Variants in MUC5AC observed in about 807,000 individuals in gnomAD.
MUC5AC encodes mucin 5AC, oligomeric mucus/gel-forming, also known as mucin-5AC.
MUC5AC carries 158 observed loss-of-function variants against 169.7 expected under a neutral mutation model. That is an observed-to-expected ratio of 0.93 (90% confidence interval 0.82 to 1.06). The LOEUF is 1.06. MUC5AC is among the 50% of genes least tolerant of loss of function. MUC5AC has a pLI of 0.00. For synonymous variants in MUC5AC, 1,975 were observed against 1,237.0 expected, an observed-to-expected ratio of 1.60 and a Z score of -12.52; for missense variants, 4,359 against 3,089.9, an observed-to-expected ratio of 1.41 and a Z score of -9.74.
chr11:1,163,826 C>A, intron 6 of MUC5AC, 56 bp from the exon 7 acceptor site: 2 of 1,411,794 alleles, frequency 1.4e-6, no homozygotes, highest in Non-Finnish European at 2.0e-6. Flanking sequence ...TGCTCGGGTG[C>A]TGGGCTGACG....
rs1454742779 is a variant in MUC5AC at position 1,187,071 on chromosome 11, C to T, written c.8926C>T (p.Pro2976Ser). The T allele has an allele frequency of 1.1e-5, 8 of 752,040 alleles. No individual in the cohort carries two copies. The African/African-American group carries it at 1.2e-4, about 11-fold the overall frequency. The allele number at this position is 752,040 out of a possible 1,614,324, so 46.6% of individuals were successfully genotyped here. A position where few individuals can be genotyped will look rare whatever the true frequency, so the allele number is the denominator to read the frequency against. ...SASTTSTTSG[P>S]GTTPSPVPTT... Reference sequence around the variant, plus strand: ...TTCTACAACCAGCACAACCTCTGGTCCTGGAACTACTCCCAGCCCTGTTCC... The same window carrying T: ...TTCTACAACCAGCACAACCTCTGGTTCTGGAACTACTCCCAGCCCTGTTCC... Residue 2976 changes from proline to serine, a missense_variant, in exon 31 of 49, where the codon CCT becomes TCT. By Grantham distance (74) the Pro-to-Ser change is moderately conservative (BLOSUM62 -1). Coordinates refer to ENST00000621226, the MANE Select transcript of MUC5AC (RefSeq NM_001304359.2).
rs878980137 is a variant in MUC5AC at position 1,176,590 on chromosome 11, C to T, written c.2579C>T (p.Ala860Val). The change falls in exon 21 of 49, where the codon GCG becomes GTG. Residue 860 changes from alanine (A) to valine (V), a missense_variant. Ala to Val is a moderately conservative substitution (Grantham distance 64). Coordinates refer to ENST00000621226, the MANE Select transcript of MUC5AC (RefSeq NM_001304359.2). ...VADGEGGCIT[A>V]EDCPCVHNEA... Reference sequence around the variant, plus strand: ...GACGGCGAGGGCGGCTGCATCACTGCGGAGGACTGCCCCTGCGTGCACAAT... The same window carrying T: ...GACGGCGAGGGCGGCTGCATCACTGTGGAGGACTGCCCCTGCGTGCACAAT... The T allele has an allele frequency of 2.3e-5, 9 of 399,546 alleles. No homozygotes were observed. The highest frequency in any genetic ancestry group is 7.1e-5 in the East Asian group (2 of 28,106). 24.8% of individuals were successfully genotyped at this position (399,546 alleles called of 1,614,324 possible).
At position 1,185,336 on chromosome 11, in the gene MUC5AC, C is replaced by G. The variant is rs1314256936; in HGVS notation, c.7191C>G (p.Ser2397Arg). 1 of 688,568 alleles carries G rather than the reference C, an allele frequency of 1.5e-6. No individual in the cohort carries two copies. 42.7% of individuals were successfully genotyped at this position (688,568 alleles called of 1,614,324 possible). Residue 2397 changes from serine (S) to arginine (R), a missense_variant, in exon 31 of 49, where the codon AGC becomes AGG. By Grantham distance (110) the Ser-to-Arg change is moderately radical. Coordinates refer to ENST00000621226, the MANE Select transcript of MUC5AC (RefSeq NM_001304359.2). ...SRISGPETTPSPVPTTSTTSA... is the reference protein window; with the variant it reads ...SRISGPETTPRPVPTTSTTSA... Reference sequence around the variant, plus strand: ...TCTCTGGTCCTGAAACTACTCCCAGCCCTGTTCCTACCACCAGCACAACCT... The same window carrying G: ...TCTCTGGTCCTGAAACTACTCCCAGGCCTGTTCCTACCACCAGCACAACCT...
chr11:1,176,771 GGCACA>G, intron 21 of MUC5AC, 106 bp downstream of exon 21: 2 of 398,480 alleles, frequency 5.0e-6, no homozygotes, highest in South Asian at 2.6e-4. Context: ...GAAAACGCAG[GGCACA>G]GACTCAGGGC....
chr11:1,196,674 C>A lies in MUC5AC; in HGVS notation c.15783C>A (p.Thr5261=). The change falls in exon 39 of 49, where the codon ACC becomes ACA. Residue 5261 remains threonine, a synonymous_variant. Transcript: ENST00000621226. Reference sequence around the variant, plus strand: ...GCTGCTTCTGTCCGGAGGGCATGACCCTCTTCAGCACCAGTGCCCAAGTCT... The same window carrying A: ...GCTGCTTCTGTCCGGAGGGCATGACACTCTTCAGCACCAGTGCCCAAGTCT... ...TEGCFCPEGM[T]LFSTSAQVCV... 1 of 762,386 alleles carries A rather than the reference C, an allele frequency of 1.3e-6. No homozygotes were observed. Among genetic ancestry groups the A allele is most frequent in the South Asian group, 1.4e-5 (1 of 74,032 alleles). The allele number at this position is 762,386 out of a possible 1,614,324, so 47.2% of individuals were successfully genotyped here. A position where few individuals can be genotyped will look rare whatever the true frequency, so the allele number is the denominator to read the frequency against.
At position 1,190,724 on chromosome 11, in the gene MUC5AC, A is replaced by C; in HGVS notation, c.12579A>C (p.Thr4193=). 1 of 701,262 alleles carries C rather than the reference A, an allele frequency of 1.4e-6. No homozygotes were observed. Among genetic ancestry groups the C allele is most frequent in the Non-Finnish European group, 2.6e-6 (1 of 384,086 alleles). 43.4% of individuals were successfully genotyped at this position (701,262 alleles called of 1,614,324 possible). A position where few individuals can be genotyped will look rare whatever the true frequency, so the allele number is the denominator to read the frequency against. ...TSTISAPTTS[T]ISSPTSSTTS... is the part of the protein sequence containing the mutation. ...CAATCTCTGCCCCTACAACCAGCAC[A>C]ATCTCTTCCCCTACAAGCAGCACAA... The change falls in exon 31 of 49, where the codon ACA becomes ACC. Residue 4193 remains threonine, a synonymous_variant. Transcript: ENST00000621226.
intron 26 of MUC5AC, 112 bp downstream of exon 26, chr11:1,179,360 TA>T: frequency 4.3e-6 from 2 of 463,958 alleles, no homozygotes; most frequent in Middle Eastern, 1.1e-3. Context: ...GGTTTCCAAA[TA>T]AACAGAAACA....
At chr11:1,161,083 G>A (rs1186599920) in intron 2 of MUC5AC, among the ~76,000 whole-genome samples, 3 of 152,232 alleles carry the variant, frequency 2.0e-5, no homozygotes, top group African/African-American at 7.2e-5. Context: ...GTGCTAGCGG[G>A]AGCCCGTGGA....
chr11:1,178,563 C>A lies in MUC5AC; in HGVS notation c.3207C>A (p.Pro1069=). 11 of 1,395,012 alleles carry A rather than the reference C, an allele frequency of 7.9e-6. No individual in the cohort carries two copies. Among genetic ancestry groups the A allele is most frequent in the Admixed American group, 2.7e-5 (1 of 36,886 alleles). 86.4% of individuals were successfully genotyped at this position (1,395,012 alleles called of 1,614,324 possible). A position where few individuals can be genotyped will look rare whatever the true frequency, so the allele number is the denominator to read the frequency against. Residue 1069 remains proline (P), a synonymous_variant, in exon 25 of 49, where the codon CCC becomes CCA. Transcript: ENST00000621226. ...TTGGGAACAGCTGGAAGCTCTCCCC[C>A]TCCTGCCCAGATGCCCTGGCGCCCA... ...LEFGNSWKLS[P]SCPDALAPKD...
chr11:1,165,701 T>A lies in MUC5AC; in HGVS notation c.1327T>A (p.Ser443Thr). The A allele has an allele frequency of 1.2e-6, 2 of 1,612,514 alleles. No individual in the cohort carries two copies. The highest frequency in any genetic ancestry group is 1.7e-6 in the Non-Finnish European group (2 of 1,179,770). The change falls in exon 11 of 49, where the codon TCA becomes ACA. Residue 443 changes from serine (S) to threonine (T), a missense_variant. By Grantham distance (58) the Ser-to-Thr change is moderately conservative (BLOSUM62 1). Coordinates refer to ENST00000621226, the MANE Select transcript of MUC5AC (RefSeq NM_001304359.2). ...TCSVLGGAHF[S>T]TFDGKQYTVH... is the part of the protein sequence containing the mutation. ...CTCTGTGCTTGGAGGTGCCCACTTC[T>A]CAACGTTTGACGGGAAGCAATACAC... is the stretch of plus-strand genomic sequence containing the variant.
At position 1,190,030 on chromosome 11, in the gene MUC5AC, G is replaced by T; in HGVS notation, c.11885G>T (p.Trp3962Leu). The T allele has an allele frequency of 1.3e-6, 1 of 765,120 alleles. No individual in the cohort carries two copies. Among genetic ancestry groups the T allele is most frequent in the South Asian group, 1.3e-5 (1 of 74,608 alleles). 47.4% of individuals were successfully genotyped at this position (765,120 alleles called of 1,614,324 possible). ...CATCCCCGGTGCACCTGGACCAAGTGGTTTGACGTGGACTTTCCATCCCCT... is the reference window on the plus strand; with the variant it reads ...CATCCCCGGTGCACCTGGACCAAGTTGTTTGACGTGGACTTTCCATCCCCT... The part of the protein sequence containing the change: ...DCHPRCTWTK[W>L]FDVDFPSPGP... Residue 3962 changes from tryptophan (W) to leucine (L), a missense_variant, in exon 31 of 49, where the codon TGG becomes TTG. Transcript: ENST00000621226.
In MUC5AC at chr11:1,188,467, C is replaced by G; in HGVS notation, c.10322C>G (p.Ser3441Cys). ...GCCCCTACAACCAGCACAACCTCTTCCCCTACAACCAGCACAACCTCTGCT... is the reference window on the plus strand; with the variant it reads ...GCCCCTACAACCAGCACAACCTCTTGCCCTACAACCAGCACAACCTCTGCT... Reference protein sequence around the residue: ...ISAPTTSTTSSPTTSTTSATT... With the variant: ...ISAPTTSTTSCPTTSTTSATT... Residue 3441 changes from serine to cysteine, a missense_variant, in exon 31 of 49, where the codon TCC becomes TGC. By Grantham distance (112) the Ser-to-Cys change is moderately radical. Transcript: ENST00000621226. 1.5e-6 allele frequency: 1 copy of G among 650,136 alleles called. No individual in the cohort carries two copies. Among genetic ancestry groups the G allele is most frequent in the Non-Finnish European group, 2.9e-6 (1 of 349,840 alleles). 40.3% of individuals were successfully genotyped at this position (650,136 alleles called of 1,614,324 possible).
In MUC5AC at chr11:1,190,057, G is replaced by T; in HGVS notation, c.11912G>T (p.Gly3971Val). The change falls in exon 31 of 49, where the codon GGA (glycine) becomes GTA (valine). Residue 3971 changes from glycine to valine, a missense_variant. Physicochemically the swap from Gly to Val is moderately radical, Grantham distance 109 (BLOSUM62 -3). Transcript: ENST00000621226. ...KWFDVDFPSP[G>V]PHGGDKETYN... ...TTTGACGTGGACTTTCCATCCCCTG[G>T]ACCCCACGGTGGGGACAAGGAAACC... 1 of 764,866 alleles carries T rather than the reference G, an allele frequency of 1.3e-6. No individual in the cohort carries two copies. The highest frequency in any genetic ancestry group is 2.4e-6 in the Non-Finnish European group (1 of 417,708). The allele number at this position is 764,866 out of a possible 1,614,324, so 47.4% of individuals were successfully genotyped here. A position where few individuals can be genotyped will look rare whatever the true frequency, so the allele number is the denominator to read the frequency against.
chr11:1,199,321 G>C, intron 45 of MUC5AC, 50 bp from the exon 46 acceptor site: 1 of 701,060 alleles, frequency 1.4e-6, no homozygotes, highest in Non-Finnish European at 2.6e-6. Flanking sequence ...TGCAGACAGA[G>C]GGACAGACGG....
intron 19 of MUC5AC, among the ~76,000 whole-genome samples, chr11:1,175,837 G>GCACTCACACCCACTTACGCCA (rs1554926831): frequency 1.1e-5 from 1 of 91,290 alleles, no homozygotes; most frequent in Non-Finnish European, 2.1e-5. Context: ...TCATGCACAC[G>GCACTCACACCCACTTACGCCA]CACTCACACA....
At chr11:1,171,454 C>T (rs1860529375) in intron 15 of MUC5AC, among the ~76,000 whole-genome samples, 2 of 143,348 alleles carry the variant, frequency 1.4e-5, no homozygotes, top group East Asian at 4.4e-4. Flanking sequence ...CTCACCCATT[C>T]ACCCATTCAC....
chr11:1,197,919 C>A lies in MUC5AC; in HGVS notation c.16050C>A (p.Arg5350=). The part of the protein sequence containing the change: ...PQYSCACNTS[R]CPAPVGCPEG... ...CCCCCGCAGCCTGCAACACCAGCCGCTGCCCCGCGCCCGTGGGCTGTCCTG... is the reference window on the plus strand; with the variant it reads ...CCCCCGCAGCCTGCAACACCAGCCGATGCCCCGCGCCCGTGGGCTGTCCTG... The change falls in exon 42 of 49, where the codon CGC becomes CGA. Residue 5350 remains arginine, a synonymous_variant. Coordinates refer to ENST00000621226, the MANE Select transcript of MUC5AC (RefSeq NM_001304359.2). 1.4e-6 allele frequency: 1 copy of A among 728,736 alleles called. No homozygotes were observed. Among genetic ancestry groups the A allele is most frequent in the Non-Finnish European group, 2.5e-6 (1 of 401,278 alleles). The allele number at this position is 728,736 out of a possible 1,614,324, so 45.1% of individuals were successfully genotyped here.
At chr11:1,181,853 C>T (rs1398232979) in intron 30 of MUC5AC, among the ~76,000 whole-genome samples, 2 of 152,226 alleles carry the variant, frequency 1.3e-5, no homozygotes, top group Non-Finnish European at 2.9e-5. Context: ...TGTCTCAGGG[C>T]CCCAAGGCAT....
In MUC5AC at chr11:1,165,670, T is replaced by C. The variant is rs903568441; in HGVS notation, c.1296T>C (p.Gly432=). The C allele has an allele frequency of 1.2e-6, 2 of 1,612,318 alleles. No individual in the cohort carries two copies. Among genetic ancestry groups the C allele is most frequent in the African/African-American group, 2.7e-5 (2 of 74,928 alleles). Residue 432 remains glycine (G), a synonymous_variant, in exon 11 of 49, where the codon GGT becomes GGC. Transcript: ENST00000621226. The part of the protein sequence containing the change: ...RWSCQEVPCP[G]TCSVLGGAHF... ...GCTGCCAGGAGGTTCCATGCCCGGG[T>C]ACCTGCTCTGTGCTTGGAGGTGCCC... is the stretch of plus-strand genomic sequence containing the variant.
Sources: gnomAD v4.1 joint callset for allele counts (sites outside exome capture counted in the v4.1 genomes callset) on GRCh38, gnomAD v4.1.1 for gene constraint, MANE v1.5 for transcripts, NCBI Gene and HGNC (gene_info 2026-07-23, HGNC 2026-07-21) for gene names.